The following AGBL4 variants were observed in gnomAD, a reference collection of about 807,000 sequenced individuals.
AGBL4 encodes the protein cytosolic carboxypeptidase 6.
Under a neutral mutation model 66.4 loss-of-function variants are expected in AGBL4, and 58 were observed. That is an observed-to-expected ratio of 0.87 (90% CI 0.71 to 1.09). The LOEUF is 1.09. Ranked by LOEUF, AGBL4 falls within the 50% of genes least tolerant of loss-of-function variation. The pLI is 0.00. For missense variants in AGBL4, 579 were observed against 631.0 expected, an observed-to-expected ratio of 0.92 and a Z score of 0.88; for synonymous variants, 234 against 222.9, an observed-to-expected ratio of 1.05 and a Z score of -0.44.
chr1:48,871,647 C>G (rs866273373), intron 5 of AGBL4, among the ~76,000 whole-genome samples: 5 of 152,056 alleles, frequency 3.3e-5, no homozygotes, highest in African/African-American at 1.2e-4. Flanking sequence ...CTTTGCTTAA[C>G]CACTGTGTGG....
chr1:49,279,586 C>G (rs1378146840), intron 3 of AGBL4, among the ~76,000 whole-genome samples: 1 of 151,456 alleles, frequency 6.6e-6, no homozygotes, highest in African/African-American at 2.4e-5. Context: ...TTCAGCTATG[C>G]CACCAACTTA....
chr1:49,944,900 C>T (rs767885109), intron 1 of AGBL4, among the ~76,000 whole-genome samples: 4 of 151,794 alleles, frequency 2.6e-5, no homozygotes, highest in Non-Finnish European at 5.9e-5. Context: ...CACGGATGCA[C>T]TTACAGAAAT....
chr1:48,952,175 A>C (rs1293068108), intron 5 of AGBL4, among the ~76,000 whole-genome samples: 1 of 152,254 alleles, frequency 6.6e-6, no homozygotes, highest in Non-Finnish European at 1.5e-5. Flanking sequence ...AAGTACTTTG[A>C]GTGAATAACA....
chr1:48,757,682 A>G (rs1159083999), intron 6 of AGBL4, among the ~76,000 whole-genome samples: 3 of 152,260 alleles, frequency 2.0e-5, no homozygotes, highest in Admixed American at 6.5e-5. Context: ...TTTAAGAAGC[A>G]AATGACACCT....
At chr1:49,684,958 G>A (rs1051008594) in intron 3 of AGBL4, among the ~76,000 whole-genome samples, 1 of 151,952 alleles carries the variant, frequency 6.6e-6, no homozygotes, top group African/African-American at 2.4e-5. Context: ...TTGTTACATG[G>A]GTAAATTGCA....
intron 3 of AGBL4, among the ~76,000 whole-genome samples, chr1:49,627,546 T>C (rs1645488211): frequency 6.6e-6 from 1 of 152,172 alleles, no homozygotes; most frequent in African/African-American, 2.4e-5. Context: ...TGTACATTCT[T>C]ACCTCAGGCT....
chr1:49,453,288 A>C (rs1002298389), intron 3 of AGBL4, among the ~76,000 whole-genome samples: 4 of 151,898 alleles, frequency 2.6e-5, no homozygotes, highest in African/African-American at 4.8e-5. Flanking sequence ...AAAACTGTTA[A>C]ATTCCAATCA....
At chr1:49,184,377 G>A (rs1646979730) in intron 4 of AGBL4, among the ~76,000 whole-genome samples, 1 of 152,154 alleles carries the variant, frequency 6.6e-6, no homozygotes, top group South Asian at 2.1e-4. Flanking sequence ...AGAATGTGGG[G>A]AAAAGCAGAT....
intron 2 of AGBL4, among the ~76,000 whole-genome samples, chr1:49,771,998 G>GT (rs2147885352): frequency 6.6e-6 from 1 of 152,122 alleles, no homozygotes; most frequent in Admixed American, 6.5e-5. Context: ...AGGTAAGGAT[G>GT]TACTCCTGCC....
At chr1:48,702,033 T>A (rs1250933767) in intron 6 of AGBL4, among the ~76,000 whole-genome samples, 1 of 152,238 alleles carries the variant, frequency 6.6e-6, no homozygotes, top group African/African-American at 2.4e-5. Flanking sequence ...AATAGTCATA[T>A]GAATTGTCTA....
intron 5 of AGBL4, among the ~76,000 whole-genome samples, chr1:48,892,413 A>G (rs552576659): frequency 6.6e-6 from 1 of 152,304 alleles, no homozygotes; most frequent in Admixed American, 6.5e-5. Context: ...ACACATGCCT[A>G]GGACACATGC....
chr1:48,933,490 T>C (rs528534751), intron 5 of AGBL4, among the ~76,000 whole-genome samples: 2 of 152,306 alleles, frequency 1.3e-5, no homozygotes, highest in East Asian at 3.9e-4. Context: ...TCAGACATGA[T>C]GGCTTGTGGA....
At chr1:49,906,519 C>A (rs1315507207) in intron 1 of AGBL4, among the ~76,000 whole-genome samples, 2 of 152,020 alleles carry the variant, frequency 1.3e-5, no homozygotes, top group Admixed American at 1.3e-4. Context: ...AATTGTCTTT[C>A]CTACTAAGCA....
chr1:48,829,266 G>A (rs761093120), intron 6 of AGBL4, among the ~76,000 whole-genome samples: 3 of 152,184 alleles, frequency 2.0e-5, no homozygotes, highest in Non-Finnish European at 2.9e-5. Context: ...TACCAGGATC[G>A]CATAGATAGT....
intron 3 of AGBL4, among the ~76,000 whole-genome samples, chr1:49,449,195 C>A (rs543203492): frequency 6.6e-6 from 1 of 151,980 alleles, no homozygotes; most frequent in Non-Finnish European, 1.5e-5. Context: ...TAAATTTATA[C>A]ATGCAGTAAG....
intron 3 of AGBL4, among the ~76,000 whole-genome samples, chr1:49,456,335 A>G (rs1482667724): frequency 6.6e-6 from 1 of 151,706 alleles, no homozygotes; most frequent in Non-Finnish European, 1.5e-5. Context: ...TTTGATCAGG[A>G]TTTTAGACCA....
chr1:48,974,470 C>T (rs1177885219), intron 5 of AGBL4, among the ~76,000 whole-genome samples: 1 of 152,122 alleles, frequency 6.6e-6, no homozygotes, highest in Non-Finnish European at 1.5e-5. Flanking sequence ...ACTTAGTCTC[C>T]TGTTATAGAC....
At chr1:49,262,899 G>C (rs1032149740) in intron 3 of AGBL4, among the ~76,000 whole-genome samples, 2 of 152,116 alleles carry the variant, frequency 1.3e-5, no homozygotes, top group Non-Finnish European at 2.9e-5. Flanking sequence ...AGACTTGGAA[G>C]CAACCCAAAT....
intron 9 of AGBL4, among the ~76,000 whole-genome samples, chr1:48,622,475 A>ATTTTTTTTTTTT: frequency 1.4e-5 from 1 of 71,834 alleles, no homozygotes; most frequent in Non-Finnish European, 2.7e-5. Flanking sequence ...ATTCAAATAC[A>ATTTTTTTTTTTT]TTTTTTTTTT....
Sources: gnomAD v4.1 joint callset for allele counts (sites outside exome capture counted in the v4.1 genomes callset) on GRCh38, gnomAD v4.1.1 for gene constraint, MANE v1.5 for transcripts, NCBI Gene and HGNC (gene_info 2026-07-23, HGNC 2026-07-21) for gene names.